Variants in ADGRL3 observed in about 807,000 individuals in gnomAD.
ADGRL3 encodes adhesion G protein-coupled receptor L3, also known as calcium-independent alpha-latrotoxin receptor 3.
Under a neutral mutation model 153.5 loss-of-function variants are expected in ADGRL3, and 62 were observed. That is an observed-to-expected ratio of 0.40 (90% CI 0.33 to 0.50). ADGRL3 has a LOEUF of 0.50. Among genes scored for constraint, ADGRL3 ranks in the 20% least tolerant of loss-of-function variants. The pLI is 0.47. For synonymous variants in ADGRL3, 710 were observed against 672.5 expected (o/e 1.06, Z -0.86); for missense variants, 1,641 against 1,859.4 (o/e 0.88, Z 2.16).
intron 4 of ADGRL3, among the ~76,000 whole-genome samples, chr4:61,578,215 T>C (rs1243705676): frequency 1.7e-4 from 26 of 152,074 alleles, no homozygotes; most frequent in Admixed American, 1.6e-3. Flanking sequence ...TTGCATCTTA[T>C]CTCTATGACT....
chr4:61,977,412 C>T (rs2099051992), intron 17 of ADGRL3, among the ~76,000 whole-genome samples: 1 of 152,106 alleles, frequency 6.6e-6, no homozygotes, highest in African/African-American at 2.4e-5. Context: ...TAACCACCCT[C>T]CACTCTCAAA....
At chr4:61,883,810 G>A (rs529352897) in intron 9 of ADGRL3, among the ~76,000 whole-genome samples, 11 of 151,830 alleles carry the variant, frequency 7.2e-5, no homozygotes, top group South Asian at 6.2e-4. Flanking sequence ...ATGTTGTAGC[G>A]TCCATAAGAT....
chr4:61,324,098 G>GT (rs1394931249), intron 1 of ADGRL3, among the ~76,000 whole-genome samples: 2 of 152,074 alleles, frequency 1.3e-5, no homozygotes, highest in Non-Finnish European at 2.9e-5. Context: ...ATCAGATCTC[G>GT]TGAGACCCAT....
chr4:61,501,396 C>T (rs551074717), intron 3 of ADGRL3, among the ~76,000 whole-genome samples: 1 of 152,096 alleles, frequency 6.6e-6, no homozygotes, highest in East Asian at 1.9e-4. Context: ...TTTGATAAAC[C>T]TTTCATTTTT....
intron 25 of ADGRL3, among the ~76,000 whole-genome samples, chr4:62,055,138 T>G (rs1167140561): frequency 6.6e-6 from 1 of 151,784 alleles, no homozygotes; most frequent in Non-Finnish European, 1.5e-5. Flanking sequence ...AGCTCATATG[T>G]CTGGACAAGA....
In ADGRL3 at chr4:61,725,617, AC is replaced by A. The variant is rs1451173759; in HGVS notation, c.584-5004del. Among the ~76,000 whole-genome samples, 3 of 149,916 alleles carry A rather than the reference AC, an allele frequency of 2.0e-5. No homozygotes were observed. The East Asian group carries it at 5.9e-4, about 30-fold the overall frequency. On this transcript the variant is annotated intron_variant, in intron 6 of 26. Transcript: ENST00000683033. ...CTCAAAAAAAAAAAACCAAAAAAAAACAAAAAAAAACAAAAGTCTACTCAGT... is the reference window on the plus strand; with the variant it reads ...CTCAAAAAAAAAAAACCAAAAAAAAAAAAAAAAAACAAAAGTCTACTCAGT...
chr4:61,224,946 G>GCCAACCAT (rs1747271281), intron 1 of ADGRL3, among the ~76,000 whole-genome samples: 1 of 152,144 alleles, frequency 6.6e-6, no homozygotes, highest in Admixed American at 6.6e-5. Flanking sequence ...TGAATGTAAT[G>GCCAACCAT]CCAACCATCC....
At chr4:61,697,831 T>C (rs1024810312) in intron 6 of ADGRL3, among the ~76,000 whole-genome samples, 27 of 152,178 alleles carry the variant, frequency 1.8e-4, no homozygotes, top group Non-Finnish European at 3.7e-4. Context: ...TAGCATACTT[T>C]GGTTACGCTT....
At chr4:61,768,003 G>C (rs903671820) in intron 8 of ADGRL3, among the ~76,000 whole-genome samples, 1 of 152,108 alleles carries the variant, frequency 6.6e-6, no homozygotes, top group Admixed American at 6.5e-5. Flanking sequence ...AATGTATATT[G>C]AGAATAAGAC....
intron 1 of ADGRL3, among the ~76,000 whole-genome samples, chr4:61,291,620 A>G (rs1472403246): frequency 2.7e-4 from 12 of 43,746 alleles, no homozygotes; most frequent in African/African-American, 5.9e-4. Flanking sequence ...ACATATATAT[A>G]TATATAAAAT....
At chr4:61,561,528 G>T (rs895138569) in intron 4 of ADGRL3, among the ~76,000 whole-genome samples, 4 of 151,850 alleles carry the variant, frequency 2.6e-5, no homozygotes, top group Non-Finnish European at 5.9e-5. Flanking sequence ...CTGGGGAAGA[G>T]GAGTGACAAA....
At chr4:61,714,233 A>ACACACGCACACACACACG (rs2096061978) in intron 6 of ADGRL3, among the ~76,000 whole-genome samples, 1 of 152,094 alleles carries the variant, frequency 6.6e-6, no homozygotes, top group South Asian at 2.1e-4. Flanking sequence ...ACACACACAC[A>ACACACGCACACACACACG]CAATTAAAAA....
intron 1 of ADGRL3, among the ~76,000 whole-genome samples, chr4:61,208,445 T>A (rs1738336930): frequency 6.6e-6 from 1 of 152,182 alleles, no homozygotes; most frequent in African/African-American, 2.4e-5. Context: ...CTATTATGAT[T>A]ACTATCATCA....
At chr4:61,445,729 C>A (rs77925722) in intron 2 of ADGRL3, among the ~76,000 whole-genome samples, 325 of 152,290 alleles carry the variant, frequency 2.1e-3, no homozygotes, top group Non-Finnish European at 3.0e-3. Flanking sequence ...AGTCACATTT[C>A]TTAGCCTTAA....
intron 6 of ADGRL3, among the ~76,000 whole-genome samples, chr4:61,720,747 C>T (rs191638735): frequency 7.2e-5 from 11 of 152,078 alleles, no homozygotes; most frequent in South Asian, 2.1e-4. Context: ...ATATTGAAAT[C>T]GTGACACTAT....
At chr4:61,903,304 C>T (rs1276670644) in intron 11 of ADGRL3, among the ~76,000 whole-genome samples, 1 of 152,004 alleles carries the variant, frequency 6.6e-6, no homozygotes, top group African/African-American at 2.4e-5. Context: ...TTCTTCTTGC[C>T]CTCCCTCACC....
At chr4:61,933,315 T>C (rs1468055827) in intron 13 of ADGRL3, among the ~76,000 whole-genome samples, 8 of 152,068 alleles carry the variant, frequency 5.3e-5, no homozygotes, top group Non-Finnish European at 1.2e-4. Flanking sequence ...CTGGCACCTC[T>C]TTTTTTGGCA....
intron 21 of ADGRL3, among the ~76,000 whole-genome samples, chr4:62,026,272 G>C (rs1355660012): frequency 6.6e-6 from 1 of 152,048 alleles, no homozygotes; most frequent in Non-Finnish European, 1.5e-5. Context: ...CTTCCATTTT[G>C]ATGCCTAAGG....
chr4:61,781,839 C>CT (rs2097217438), intron 8 of ADGRL3, among the ~76,000 whole-genome samples: 1 of 152,100 alleles, frequency 6.6e-6, no homozygotes, highest in Non-Finnish European at 1.5e-5. Flanking sequence ...TCATGATTAC[C>CT]TATATTTAGA....
Sources: allele counts gnomAD v4.1 joint callset (sites outside exome capture counted in the v4.1 genomes callset), GRCh38; gene constraint gnomAD v4.1.1; transcripts MANE v1.5; gene names NCBI Gene and HGNC (gene_info 2026-07-23, HGNC 2026-07-21).